RYR2: variants seen among roughly 807,000 people sequenced by gnomAD.
The protein encoded by RYR2 is cardiac muscle ryanodine receptor-calcium release channel.
A neutral mutation model predicts 601.1 loss-of-function variants in RYR2; 227 were observed. The ratio of observed to expected loss-of-function variants is 0.38; its 90% CI spans 0.34 to 0.42. The LOEUF (loss-of-function observed/expected upper bound fraction) is 0.42, where lower values mean the gene tolerates loss of function less well. Ranked by LOEUF, RYR2 falls within the 10% of genes least tolerant of loss-of-function variation. The pLI, the probability that RYR2 is intolerant of heterozygous loss-of-function variation, is 1.00. For synonymous variants in RYR2, 2,223 were observed against 2,175.1 expected (o/e 1.02, Z -0.61); for missense variants, 4,646 against 6,156.5 (o/e 0.75, Z 8.21).
intron 2 of RYR2, among the ~76,000 whole-genome samples, chr1:237,292,837 C>T (rs923712797): frequency 2.0e-5 from 3 of 152,212 alleles, no homozygotes; most frequent in Non-Finnish European, 2.9e-5. Context: ...AATGTTTGCA[C>T]GAGATAACTG....
chr1:237,335,663 G>C (rs1027761687), intron 3 of RYR2, among the ~76,000 whole-genome samples: 1 of 152,052 alleles, frequency 6.6e-6, no homozygotes, highest in Non-Finnish European at 1.5e-5. Context: ...ACTTGACTGG[G>C]TCCCTTTATT....
chr1:237,706,391 A>G (rs1558257623), intron 67 of RYR2, among the ~76,000 whole-genome samples: 1 of 152,212 alleles, frequency 6.6e-6, no homozygotes, highest in Non-Finnish European at 1.5e-5. Flanking sequence ...CCTGGGTATG[A>G]AATGCCACTG....
intron 4 of RYR2, among the ~76,000 whole-genome samples, chr1:237,362,607 A>G (rs931962386): frequency 6.6e-6 from 1 of 152,064 alleles, no homozygotes; most frequent in Admixed American, 6.6e-5. Flanking sequence ...TTTTGTTTTA[A>G]TGCGCTTTGC....
chr1:237,139,012 A>G (rs1461061104), intron 1 of RYR2, among the ~76,000 whole-genome samples: 1 of 152,222 alleles, frequency 6.6e-6, no homozygotes, highest in East Asian at 1.9e-4. Flanking sequence ...TACCATATGA[A>G]CCAGCAATTC....
chr1:237,764,425 T>A, intron 84 of RYR2, among the ~76,000 whole-genome samples: 1 of 133,588 alleles, frequency 7.5e-6, no homozygotes. Context: ...TTTTTTTTTT[T>A]TTTTGCCCCT....
At chr1:237,322,822 G>C (rs1291079777) in intron 2 of RYR2, among the ~76,000 whole-genome samples, 1 of 85,874 alleles carries the variant, frequency 1.2e-5, no homozygotes. Flanking sequence ...ACACACACAC[G>C]TGTGTGTGTG....
chr1:237,429,850 G>A (rs1040195449), intron 12 of RYR2, among the ~76,000 whole-genome samples: 2 of 151,964 alleles, frequency 1.3e-5, no homozygotes, highest in African/African-American at 4.8e-5. Flanking sequence ...AAAAATATAC[G>A]TGCAAGTTAA....
chr1:237,492,011 A>T lies in RYR2; in HGVS notation c.1827+87A>T, dbSNP rs567008122. On this transcript the variant is annotated intron_variant, in intron 18 of 104. Transcript: ENST00000366574. ...TACAATAACTTTTAAAAAGTGTGTC[A>T]AATTTTTCATGAGTGTTTTTAATCT... 1.7e-5 allele frequency: 12 copies of T among 691,246 alleles called. No individual in the cohort carries two copies. The South Asian group carries it at 2.1e-4, about 12-fold the overall frequency. The allele number at this position is 691,246 out of a possible 1,614,324, so 42.8% of individuals were successfully genotyped here.
intron 1 of RYR2, among the ~76,000 whole-genome samples, chr1:237,134,667 C>A (rs931799808): frequency 6.6e-6 from 1 of 152,154 alleles, no homozygotes; most frequent in African/African-American, 2.4e-5. Flanking sequence ...CTGATGTTCT[C>A]TTTAATGATA....
intron 29 of RYR2, among the ~76,000 whole-genome samples, chr1:237,578,792 G>A (rs1246812181): frequency 6.6e-6 from 1 of 151,454 alleles, no homozygotes; most frequent in Non-Finnish European, 1.5e-5. Flanking sequence ...GGTGGGAGTG[G>A]GGGCATGTAC....
At chr1:237,550,792 C>G in intron 27 of RYR2, 101 bp downstream of exon 27, 3 of 1,268,034 alleles carry the variant, frequency 2.4e-6, no homozygotes, top group South Asian at 1.8e-5. Context: ...ATAGAGTCCT[C>G]TAGTCTAGGT....
chr1:237,304,206 C>T (rs886743395), intron 2 of RYR2, among the ~76,000 whole-genome samples: 2 of 152,160 alleles, frequency 1.3e-5, no homozygotes, highest in African/African-American at 4.8e-5. Context: ...GTGTTCATTT[C>T]TTACCTTGGA....
chr1:237,498,894 G>T (rs942610637), intron 20 of RYR2, among the ~76,000 whole-genome samples: 2 of 152,228 alleles, frequency 1.3e-5, no homozygotes, highest in South Asian at 4.2e-4. Flanking sequence ...AAGAAAATAC[G>T]TATCATATCA....
intron 3 of RYR2, among the ~76,000 whole-genome samples, chr1:237,349,127 T>G (rs1429907627): frequency 6.6e-6 from 1 of 152,176 alleles, no homozygotes; most frequent in East Asian, 1.9e-4. Context: ...TCCTAAGGAA[T>G]ATTAATACTT....
At chr1:237,384,349 C>T (rs1701802252) in intron 8 of RYR2, among the ~76,000 whole-genome samples, 1 of 152,206 alleles carries the variant, frequency 6.6e-6, no homozygotes, top group South Asian at 2.1e-4. Flanking sequence ...GTTGGTTTGG[C>T]GCCAGCCTTT....
intron 71 of RYR2, among the ~76,000 whole-genome samples, chr1:237,713,372 A>G (rs934473194): frequency 1.3e-5 from 2 of 152,104 alleles, no homozygotes; most frequent in African/African-American, 4.8e-5. Flanking sequence ...CTCAAACTAA[A>G]AAATTATTTT....
chr1:237,658,070 G>T, intron 54 of RYR2, 48 bp downstream of exon 54: 1 of 1,034,540 alleles, frequency 9.7e-7, no homozygotes, highest in Non-Finnish European at 1.4e-6. Flanking sequence ...TTAATGACTG[G>T]TCACTGTTCA....
At chr1:237,641,981 T>TAA (rs5781977) in intron 47 of RYR2, among the ~76,000 whole-genome samples, 3 of 151,878 alleles carry the variant, frequency 2.0e-5, no homozygotes, top group East Asian at 1.9e-4. Context: ...TATATTCATT[T>TAA]AAAAAAAAAT....
chr1:237,090,155 TA>T (rs1666802118), intron 1 of RYR2, among the ~76,000 whole-genome samples: 1 of 152,086 alleles, frequency 6.6e-6, no homozygotes, highest in African/African-American at 2.4e-5. Context: ...ATGATTCAAT[TA>T]CCTCCCACTG....
Sources: gnomAD v4.1 joint callset for allele counts (sites outside exome capture counted in the v4.1 genomes callset) on GRCh38, gnomAD v4.1.1 for gene constraint, MANE v1.5 for transcripts, NCBI Gene and HGNC (gene_info 2026-07-23, HGNC 2026-07-21) for gene names.